Variants in MGAT4D observed in about 807,000 individuals in gnomAD.
MGAT4D encodes the protein alpha-1,3-mannosyl-glycoprotein 4-beta-N-acetylglucosaminyltransferase-like protein MGAT4D.
In MGAT4D, 34 loss-of-function variants were observed where a neutral mutation model predicts 15.9. The observed-to-expected ratio is 2.14, with a 90% CI of 1.62 to 2.84. The LOEUF (loss-of-function observed/expected upper bound fraction) is 2.84, where lower values mean the gene tolerates loss of function less well. MGAT4D is among the 30% of genes most tolerant of loss of function. The pLI is 0.00. For synonymous variants in MGAT4D, 112 were observed against 48.2 expected (o/e 2.33, Z -5.49); for missense variants, 327 against 140.2 (o/e 2.33, Z -6.73).
chr4:140,444,218 T>A (rs566189532), intron 10 of MGAT4D, among the ~76,000 whole-genome samples: 24 of 152,228 alleles, frequency 1.6e-4, no homozygotes, highest in South Asian at 1.5e-3. Context: ...GTATTTTTTT[T>A]AAAAAAGCTT....
At chr4:140,491,802 T>C (rs142814513) in intron 1 of MGAT4D, among the ~76,000 whole-genome samples, 105 of 152,116 alleles carry the variant, frequency 6.9e-4, no homozygotes, top group African/African-American at 2.4e-3. Flanking sequence ...TCCAAGTGTC[T>C]TCCAGAGAAA....
intron 9 of MGAT4D, among the ~76,000 whole-genome samples, chr4:140,455,805 GT>G (rs961450135): frequency 6.6e-6 from 1 of 151,950 alleles, no homozygotes; most frequent in East Asian, 1.9e-4. Flanking sequence ...TCCCTAGACT[GT>G]TTTTTTCTTT....
chr4:140,476,207 A>G (rs1404415574), intron 3 of MGAT4D, among the ~76,000 whole-genome samples: 1 of 152,072 alleles, frequency 6.6e-6, no homozygotes, highest in Admixed American at 6.5e-5. Context: ...TATTGATTGT[A>G]TTGATACTCT....
chr4:140,448,141 T>C (rs1730251994), intron 10 of MGAT4D, among the ~76,000 whole-genome samples: 2 of 152,330 alleles, frequency 1.3e-5, no homozygotes, highest in South Asian at 4.1e-4. Flanking sequence ...TTTAGCATTC[T>C]TTCTTTCATT....
intron 3 of MGAT4D, among the ~76,000 whole-genome samples, chr4:140,475,591 T>C (rs1476306788): frequency 7.5e-6 from 1 of 133,732 alleles, no homozygotes; most frequent in Non-Finnish European, 1.5e-5. Flanking sequence ...AAGATAGGGA[T>C]AAGGACTTCC....
At chr4:140,467,932 C>T (rs1731649700) in intron 5 of MGAT4D, among the ~76,000 whole-genome samples, 4 of 151,648 alleles carry the variant, frequency 2.6e-5, no homozygotes, top group Admixed American at 2.6e-4. Flanking sequence ...CTCTCATTAC[C>T]CTAATGAGAA....
chr4:140,448,485 G>C (rs1730272154), intron 10 of MGAT4D, among the ~76,000 whole-genome samples: 2 of 152,182 alleles, frequency 1.3e-5, no homozygotes, highest in African/African-American at 2.4e-5. Flanking sequence ...AGCTTTGTCT[G>C]TTCTACTGTT....
chr4:140,452,299 A>G (rs1438595312), intron 9 of MGAT4D, among the ~76,000 whole-genome samples: 8 of 152,178 alleles, frequency 5.3e-5, no homozygotes, highest in Non-Finnish European at 8.8e-5. Flanking sequence ...AAATGTATAT[A>G]TATAGTAATT....
intron 5 of MGAT4D, among the ~76,000 whole-genome samples, chr4:140,465,708 G>A (rs1731489032): frequency 6.6e-6 from 1 of 152,148 alleles, no homozygotes; most frequent in Admixed American, 6.5e-5. Context: ...ACATGTTAAA[G>A]GTTCAAGGAA....
intron 1 of MGAT4D, among the ~76,000 whole-genome samples, chr4:140,493,192 C>T (rs770692028): frequency 1.1e-4 from 16 of 151,976 alleles, no homozygotes; most frequent in Non-Finnish European, 2.1e-4. Context: ...GAAAGTTACC[C>T]GATGCCTCGG....
intron 1 of MGAT4D, among the ~76,000 whole-genome samples, chr4:140,491,412 AT>A (rs1337477376): frequency 6.6e-6 from 1 of 151,960 alleles, no homozygotes; most frequent in African/African-American, 2.4e-5. Context: ...GCTGAGGAAC[AT>A]TTTTACCCTG....
At chr4:140,487,523 A>C (rs2126856005) in intron 1 of MGAT4D, among the ~76,000 whole-genome samples, 1 of 152,356 alleles carries the variant, frequency 6.6e-6, no homozygotes, top group South Asian at 2.1e-4. Context: ...AACAAGTGAA[A>C]GTAATTTTAA....
chr4:140,475,019 T>G (rs780635853), intron 3 of MGAT4D, 73 bp from the exon 4 acceptor site: 1 of 470,672 alleles, frequency 2.1e-6, no homozygotes, highest in Non-Finnish European at 3.8e-6. Context: ...CATTCTATGC[T>G]TATTCCTATG....
chr4:140,490,193 C>A (rs1327826099), intron 1 of MGAT4D, among the ~76,000 whole-genome samples: 1 of 152,158 alleles, frequency 6.6e-6, no homozygotes, highest in African/African-American at 2.4e-5. Context: ...ATTTATGTTG[C>A]ACTTTGTTTT....
intron 2 of MGAT4D, among the ~76,000 whole-genome samples, chr4:140,481,473 A>G (rs1232229835): frequency 6.6e-6 from 1 of 152,246 alleles, no homozygotes; most frequent in Non-Finnish European, 1.5e-5. Context: ...TTCTAAAAAA[A>G]TTAAAACTTC....
chr4:140,477,227 T>G (rs1245303297), intron 3 of MGAT4D, among the ~76,000 whole-genome samples: 2 of 152,200 alleles, frequency 1.3e-5, no homozygotes, highest in Non-Finnish European at 2.9e-5. Flanking sequence ...CTTTTGCCCT[T>G]CATGTCACTT....
At chr4:140,479,173 G>T (rs1005550057) in intron 3 of MGAT4D, among the ~76,000 whole-genome samples, 7 of 152,034 alleles carry the variant, frequency 4.6e-5, no homozygotes, top group African/African-American at 1.7e-4. Flanking sequence ...AAATAACCAG[G>T]TAAGAATAGA....
intron 10 of MGAT4D, among the ~76,000 whole-genome samples, chr4:140,449,391 A>C (rs1327364302): frequency 2.0e-5 from 3 of 152,206 alleles, no homozygotes; most frequent in Non-Finnish European, 4.4e-5. Flanking sequence ...TTTGAACTAC[A>C]AGCTAGATGA....
intron 1 of MGAT4D, among the ~76,000 whole-genome samples, chr4:140,489,839 T>C (rs1278589455): frequency 6.6e-6 from 1 of 152,216 alleles, no homozygotes; most frequent in African/African-American, 2.4e-5. Flanking sequence ...AGAGCTTCCC[T>C]AGGATATATC....
Sources: gnomAD v4.1 joint callset for allele counts (sites outside exome capture counted in the v4.1 genomes callset) on GRCh38, gnomAD v4.1.1 for gene constraint, MANE v1.5 for transcripts, NCBI Gene and HGNC (gene_info 2026-07-23, HGNC 2026-07-21) for gene names.